XXYLT1: variants seen among roughly 807,000 people sequenced by gnomAD.
XXYLT1 encodes xyloside xylosyltransferase 1, also known as UDP-xylose:alpha-xyloside alpha-1,3-xylosyltransferase.
A neutral mutation model predicts 28.9 loss-of-function variants in XXYLT1; 20 were observed. The ratio of observed to expected loss-of-function variants is 0.69; its 90% CI spans 0.49 to 1.00. The LOEUF (loss-of-function observed/expected upper bound fraction) is 1.00. Ranked by LOEUF, XXYLT1 falls within the 50% of genes least tolerant of loss-of-function variation. The pLI is 0.00. For missense variants in XXYLT1, 542 were observed against 560.1 expected, an observed-to-expected ratio of 0.97 and a Z score of 0.33; for synonymous variants, 257 against 253.8, an observed-to-expected ratio of 1.01 and a Z score of -0.12.
intron 3 of XXYLT1, among the ~76,000 whole-genome samples, chr3:195,085,274 C>T (rs767496788): frequency 2.6e-5 from 4 of 152,344 alleles, no homozygotes; most frequent in Admixed American, 6.5e-5. Context: ...AACACCCCTT[C>T]CGACCTCTCC....
chr3:195,251,350 G>A (rs534451392), intron 1 of XXYLT1, among the ~76,000 whole-genome samples: 7 of 152,342 alleles, frequency 4.6e-5, no homozygotes, highest in African/African-American at 7.2e-5. Context: ...CAGGGAAGGC[G>A]GGGCCCAGCC....
At position 195,068,844 on chromosome 3, in the gene XXYLT1, A is replaced by G. The variant is rs1576988888; in HGVS notation, c.*871T>C. The G allele has an allele frequency of 3.3e-5, 5 of 151,902 alleles. No individual in the cohort carries two copies. The highest frequency in any genetic ancestry group is 3.3e-4 in the Admixed American group (5 of 15,264). The allele number at this position is 151,902 out of a possible 1,614,324, so 9.4% of individuals were successfully genotyped here. A position where few individuals can be genotyped will look rare whatever the true frequency, so the allele number is the denominator to read the frequency against. ...TCGATACCCCCACCTCGGTCTCCCA[A>G]AGTGTTGGGATTACAGGCTTGACGA... On this transcript the variant is annotated 3_prime_UTR_variant, in exon 4 of 4. Transcript: ENST00000310380.
chr3:195,101,400 A>G (rs906184512), intron 3 of XXYLT1, among the ~76,000 whole-genome samples: 2 of 152,244 alleles, frequency 1.3e-5, no homozygotes, highest in Non-Finnish European at 2.9e-5. Flanking sequence ...ATGATGATGA[A>G]ATGGGTAAAC....
chr3:195,143,776 T>G (rs1406000309), intron 3 of XXYLT1, among the ~76,000 whole-genome samples: 1 of 127,284 alleles, frequency 7.9e-6, no homozygotes. Context: ...TAACCAAATG[T>G]TCTCTCATTA....
chr3:195,125,642 C>T (rs527958246), intron 3 of XXYLT1, among the ~76,000 whole-genome samples: 16 of 152,358 alleles, frequency 1.1e-4, no homozygotes, highest in Middle Eastern at 3.4e-3. Context: ...AATCCCCTGG[C>T]CCCACGCTTC....
intron 2 of XXYLT1, among the ~76,000 whole-genome samples, chr3:195,190,351 C>A (rs1258201450): frequency 6.6e-6 from 1 of 151,796 alleles, no homozygotes; most frequent in Non-Finnish European, 1.5e-5. Context: ...AAAAGTTAAC[C>A]AGGCTTGGTG....
intron 2 of XXYLT1, among the ~76,000 whole-genome samples, chr3:195,163,577 A>G (rs1012632294): frequency 2.6e-5 from 4 of 152,228 alleles, no homozygotes. Flanking sequence ...TTCCCAGCCC[A>G]TAAAACTCCT....
At chr3:195,216,826 T>C (rs1488644068) in intron 2 of XXYLT1, among the ~76,000 whole-genome samples, 2 of 126,010 alleles carry the variant, frequency 1.6e-5, no homozygotes, top group African/African-American at 6.8e-5. Context: ...GCCAGCATCA[T>C]TCTGATACCA....
chr3:195,255,990 T>C lies in XXYLT1; in HGVS notation c.504+14565A>G, dbSNP rs1725462361. 6.6e-6 allele frequency among the ~76,000 whole-genome samples: 1 copy of C among 152,118 alleles called. No individual in the cohort carries two copies. The highest frequency in any genetic ancestry group is 6.5e-5 in the Admixed American group (1 of 15,280). ...AGGTCCACCCCGGGCAGCCCTGGGA[T>C]TCCCCTGTTCTGTGCCACCCAGCTG... On this transcript the variant is annotated intron_variant, in intron 1 of 3. Coordinates refer to ENST00000310380, the MANE Select transcript of XXYLT1 (RefSeq NM_152531.5). This position sits in a 1 kb window ranked among gnomAD's most constrained non-coding sequence, Gnocchi z 4.5.
Position 195,073,445 on chromosome 3 carries a change from G to A in XXYLT1, c.786-3334C>T, listed in dbSNP as rs1459896113. Among the ~76,000 whole-genome samples the A allele has an allele frequency of 3.9e-5, 6 of 152,174 alleles. No individual in the cohort carries two copies. In the East Asian group the frequency reaches 1.2e-3, roughly 29 times the overall value. ...TATAAATGCAGGTATTTGGTTCTGAGTCCTGGAGCATCCAGAAGTTTCTCT... is the reference window on the plus strand; with the variant it reads ...TATAAATGCAGGTATTTGGTTCTGAATCCTGGAGCATCCAGAAGTTTCTCT... On this transcript the variant is annotated intron_variant, in intron 3 of 3. Transcript: ENST00000310380.
intron 3 of XXYLT1, among the ~76,000 whole-genome samples, chr3:195,088,570 T>C (rs966417155): frequency 6.9e-5 from 8 of 116,062 alleles, no homozygotes; most frequent in Non-Finnish European, 1.8e-5. Context: ...ACCACAAAGA[T>C]GGGGAAAAAA....
At chr3:195,071,839 G>A (rs1160301959) in intron 3 of XXYLT1, among the ~76,000 whole-genome samples, 1 of 152,170 alleles carries the variant, frequency 6.6e-6, no homozygotes, top group East Asian at 1.9e-4. Flanking sequence ...GGCAGTGGGT[G>A]CTTTACCACC....
intron 2 of XXYLT1, among the ~76,000 whole-genome samples, chr3:195,205,650 G>A (rs142085195): frequency 1.8e-3 from 278 of 152,272 alleles, no homozygotes; most frequent in African/African-American, 6.6e-3. Flanking sequence ...ATTACCCAAG[G>A]TCACGAGTTC....
chr3:195,181,008 G>A (rs1461672230), intron 2 of XXYLT1, among the ~76,000 whole-genome samples: 1 of 152,260 alleles, frequency 6.6e-6, no homozygotes, highest in Non-Finnish European at 1.5e-5. Flanking sequence ...GGTGACTCCA[G>A]GCCGTGAGAG....
chr3:195,154,085 A>T (rs1428850958), intron 3 of XXYLT1: 2 of 152,206 alleles, frequency 1.3e-5, no homozygotes, highest in African/African-American at 2.4e-5. Context: ...TTGTTACAGT[A>T]GGTAGCTAGT....
At chr3:195,149,340 G>C (rs369037286) in intron 3 of XXYLT1, among the ~76,000 whole-genome samples, 2 of 152,176 alleles carry the variant, frequency 1.3e-5, no homozygotes, top group South Asian at 2.1e-4. Flanking sequence ...TCATCCGATG[G>C]GGGGGCAACA....
intron 3 of XXYLT1, among the ~76,000 whole-genome samples, chr3:195,141,412 G>C (rs1270258598): frequency 6.6e-6 from 1 of 152,128 alleles, no homozygotes; most frequent in Non-Finnish European, 1.5e-5. Context: ...ATAAGAACTT[G>C]GAGTGAACTC....
intron 3 of XXYLT1, among the ~76,000 whole-genome samples, chr3:195,143,871 G>GAT (rs1334344433): frequency 0.018 from 1,467 of 81,688 alleles, 158 homozygotes; most frequent in Middle Eastern, 0.053. Context: ...TATAGATATA[G>GAT]ATATATATAT....
chr3:195,195,572 G>T lies in XXYLT1; in HGVS notation c.652+31137C>A, dbSNP rs1722591102. Among the ~76,000 whole-genome samples the T allele has an allele frequency of 6.6e-6, 1 of 152,210 alleles. No individual in the cohort carries two copies. Among genetic ancestry groups the T allele is most frequent in the Admixed American group, 6.5e-5 (1 of 15,278 alleles). ...TTCCTGGAACCATCTAGATCCCTGG[G>T]GAGAGGCTACCCGTGGTTTGTTGTA... On this transcript the variant is annotated intron_variant, in intron 2 of 3. Coordinates refer to ENST00000310380, the MANE Select transcript of XXYLT1 (RefSeq NM_152531.5). The surrounding 1 kb of genome is among the most constrained non-coding windows in gnomAD (Gnocchi z 4.4).
Sources: gnomAD v4.1 joint callset for allele counts (sites outside exome capture counted in the v4.1 genomes callset) on GRCh38, gnomAD v4.1.1 for gene constraint, Gnocchi (gnomAD v3.1) non-coding constraint, MANE v1.5 for transcripts, NCBI Gene and HGNC (gene_info 2026-07-23, HGNC 2026-07-21) for gene names.